The following PTPRG variants were observed in gnomAD, a reference collection of about 807,000 sequenced individuals.
PTPRG encodes receptor-type tyrosine-protein phosphatase gamma.
Under a neutral mutation model 165.3 loss-of-function variants are expected in PTPRG, and 102 were observed. The observed-to-expected ratio is 0.62, with a 90% CI of 0.53 to 0.73. The LOEUF (loss-of-function observed/expected upper bound fraction) is 0.73. Among genes scored for constraint, PTPRG ranks in the 30% least tolerant of loss-of-function variants. The pLI, the probability that PTPRG is intolerant of heterozygous loss-of-function variation, is 0.00. For missense variants in PTPRG, 1,866 were observed against 1,861.4 expected (o/e 1.00, Z -0.05); for synonymous variants, 675 against 669.5 (o/e 1.01, Z -0.13).
intron 1 of PTPRG, among the ~76,000 whole-genome samples, chr3:61,607,812 G>A (rs991299661): frequency 2.6e-5 from 4 of 152,220 alleles, no homozygotes; most frequent in African/African-American, 9.6e-5. Context: ...AAGCTAAAGT[G>A]AAAGAGTGAG....
At chr3:61,901,794 C>T (rs2038505186) in intron 2 of PTPRG, among the ~76,000 whole-genome samples, 1 of 152,124 alleles carries the variant, frequency 6.6e-6, no homozygotes, top group Non-Finnish European at 1.5e-5. Context: ...AATTCAGGCT[C>T]CACAATTTGT....
At chr3:61,982,401 G>T (rs377688402) in intron 2 of PTPRG, among the ~76,000 whole-genome samples, 4 of 152,222 alleles carry the variant, frequency 2.6e-5, no homozygotes, top group African/African-American at 9.6e-5. Context: ...TTTAATGAAT[G>T]TTTGGATGTG....
At chr3:61,815,032 T>A (rs982365279) in intron 2 of PTPRG, among the ~76,000 whole-genome samples, 1 of 151,778 alleles carries the variant, frequency 6.6e-6, no homozygotes, top group African/African-American at 2.4e-5. Flanking sequence ...CAGACTCAGG[T>A]TTTTTGTGAG....
intron 5 of PTPRG, among the ~76,000 whole-genome samples, chr3:62,126,005 C>T (rs1282618336): frequency 6.6e-6 from 1 of 152,202 alleles, no homozygotes; most frequent in African/African-American, 2.4e-5. Context: ...CCCACTTCCT[C>T]CCTCTCTTCT....
intron 2 of PTPRG, among the ~76,000 whole-genome samples, chr3:61,893,080 A>C (rs941312561): frequency 6.6e-6 from 1 of 152,212 alleles, no homozygotes; most frequent in Non-Finnish European, 1.5e-5. Context: ...GCACGTCATT[A>C]TCGTCGACTG....
rs1325452889 is a variant in PTPRG, at chr3:62,252,748, A to T, written c.2468-2376A>T. Among the ~76,000 whole-genome samples the T allele has an allele frequency of 1.3e-5, 2 of 152,234 alleles. No individual in the cohort carries two copies. The highest frequency in any genetic ancestry group is 2.9e-5 in the Non-Finnish European group (2 of 68,038). ...GTCATAGCCTTATATTCATCTCAGTATAAAGAAAAGAGATTTATGACTCCT... is the reference window on the plus strand; with the variant it reads ...GTCATAGCCTTATATTCATCTCAGTTTAAAGAAAAGAGATTTATGACTCCT... On this transcript the variant is annotated intron_variant, in intron 15 of 29. Coordinates refer to ENST00000474889, the MANE Select transcript of PTPRG (RefSeq NM_002841.4). The surrounding 1 kb of genome is among the most constrained non-coding windows in gnomAD (Gnocchi z 4.6).
chr3:61,952,251 C>T (rs974798982), intron 2 of PTPRG, among the ~76,000 whole-genome samples: 1 of 151,980 alleles, frequency 6.6e-6, no homozygotes, highest in African/African-American at 2.4e-5. Flanking sequence ...CACTTTAGTG[C>T]CTGTGCTGTA....
At chr3:62,081,165 G>A (rs1295025244) in intron 5 of PTPRG, among the ~76,000 whole-genome samples, 1 of 151,756 alleles carries the variant, frequency 6.6e-6, no homozygotes, top group Non-Finnish European at 1.5e-5. Flanking sequence ...GCTGAGGCAG[G>A]AGAATGGCGT....
chr3:62,035,039 AAGAC>A (rs1369455733), intron 4 of PTPRG, among the ~76,000 whole-genome samples: 1 of 152,168 alleles, frequency 6.6e-6, no homozygotes, highest in Non-Finnish European at 1.5e-5. Context: ...GGACTCCACC[AAGAC>A]AGACCTCCAG....
At chr3:62,143,683 C>T (rs1576057888) in intron 6 of PTPRG, among the ~76,000 whole-genome samples, 1 of 151,798 alleles carries the variant, frequency 6.6e-6, no homozygotes, top group Non-Finnish European at 1.5e-5. Flanking sequence ...TTATGGAATA[C>T]TTTTAAAGAA....
chr3:61,714,599 C>G (rs2031720244), intron 1 of PTPRG, among the ~76,000 whole-genome samples: 1 of 152,188 alleles, frequency 6.6e-6, no homozygotes, highest in African/African-American at 2.4e-5. Flanking sequence ...GGCTGAGATT[C>G]AATCCAGGCT....
chr3:62,064,559 T>C (rs77635171), intron 4 of PTPRG, among the ~76,000 whole-genome samples: 1,549 of 152,194 alleles, frequency 0.01, 26 homozygotes, highest in African/African-American at 0.034. Flanking sequence ...TTTCTTCCCC[T>C]GATGCCATCG....
intron 8 of PTPRG, among the ~76,000 whole-genome samples, chr3:62,175,908 G>C (rs1467265566): frequency 2.6e-5 from 4 of 152,160 alleles, no homozygotes; most frequent in Admixed American, 6.5e-5. Context: ...TAAACAAAGG[G>C]GGAAGCAAGA....
intron 2 of PTPRG, among the ~76,000 whole-genome samples, chr3:61,919,190 T>G (rs1009784024): frequency 2.6e-5 from 4 of 152,222 alleles, no homozygotes; most frequent in African/African-American, 9.6e-5. Context: ...GGTTTTTACA[T>G]GGAGTCTAGC....
intron 12 of PTPRG, among the ~76,000 whole-genome samples, chr3:62,206,569 C>G (rs940133209): frequency 1.3e-5 from 2 of 152,222 alleles, no homozygotes; most frequent in Admixed American, 1.3e-4. Flanking sequence ...GGAGGCCCCC[C>G]ACAGCCCTTT....
At chr3:61,876,865 C>T (rs1037595049) in intron 2 of PTPRG, among the ~76,000 whole-genome samples, 2 of 152,142 alleles carry the variant, frequency 1.3e-5, no homozygotes, top group Admixed American at 6.5e-5. Context: ...TATCATTTAT[C>T]TGCCTAAAAT....
At chr3:62,167,842 A>G (rs1576087480) in intron 7 of PTPRG, 129 bp from the exon 8 acceptor site, 1 of 888,760 alleles carries the variant, frequency 1.1e-6, no homozygotes, top group Non-Finnish European at 1.7e-6. Flanking sequence ...CAGCCCTGGC[A>G]TTGGGCACTT....
chr3:62,267,814 G>C lies in PTPRG; in HGVS notation c.2869G>C (p.Gly957Arg). 6.2e-7 allele frequency: 1 copy of C among 1,612,376 alleles called. No homozygotes were observed. Among genetic ancestry groups the C allele is most frequent in the Non-Finnish European group, 8.5e-7 (1 of 1,179,152 alleles). ...GATGATTACGAACCTTGTGGAAAAA[G>C]GAAGAGTAAGAGCCTTTTGACTCAC... ...IVMITNLVEK[G>R]RRKCDQYWPT... The change falls in exon 19 of 30, where the codon GGA (glycine) becomes CGA (arginine). Residue 957 changes from glycine (G) to arginine (R), a missense_variant. This residue lies in a region of PTPRG where 1,452 missense variants were observed against 1,463.0 expected (regional missense o/e 0.99). Coordinates refer to ENST00000474889, the MANE Select transcript of PTPRG (RefSeq NM_002841.4).
chr3:61,809,049 G>A (rs1162193972), intron 2 of PTPRG, among the ~76,000 whole-genome samples: 2 of 149,122 alleles, frequency 1.3e-5, no homozygotes, highest in African/African-American at 2.5e-5. Context: ...GTAAAATGGG[G>A]GTAATATAAT....
Sources: gnomAD v4.1 joint callset for allele counts (sites outside exome capture counted in the v4.1 genomes callset) on GRCh38, gnomAD v4.1.1 for gene constraint, gnomAD v4.1.1 regional missense constraint, Gnocchi (gnomAD v3.1) non-coding constraint, MANE v1.5 for transcripts, NCBI Gene and HGNC (gene_info 2026-07-23, HGNC 2026-07-21) for gene names.